The following ANKRD12 variants were observed in gnomAD, a reference collection of about 807,000 sequenced individuals.
The protein encoded by ANKRD12 is ankyrin repeat domain-containing protein 12.
A neutral mutation model predicts 183.4 loss-of-function variants in ANKRD12; 85 were observed. The observed-to-expected ratio is 0.46, with a 90% CI of 0.39 to 0.56. ANKRD12 has a LOEUF of 0.56. Among genes scored for constraint, ANKRD12 ranks in the 20% least tolerant of loss-of-function variants. The pLI, the probability that ANKRD12 is intolerant of heterozygous loss-of-function variation, is 0.00. For synonymous variants in ANKRD12, 914 were observed against 800.2 expected (o/e 1.14, Z -2.40); for missense variants, 2,405 against 2,357.1 (o/e 1.02, Z -0.42).
chr18:9,280,370 C>G (rs1269989975), intron 12 of ANKRD12, among the ~76,000 whole-genome samples: 2 of 152,190 alleles, frequency 1.3e-5, no homozygotes, highest in African/African-American at 4.8e-5. Context: ...TGGCCCAGTT[C>G]TGAACAGGCC....
At chr18:9,144,264 G>T (rs1484336391) in intron 1 of ANKRD12, among the ~76,000 whole-genome samples, 1 of 151,964 alleles carries the variant, frequency 6.6e-6, no homozygotes, top group Non-Finnish European at 1.5e-5. Context: ...TAATAAAAAG[G>T]TTATTAATTC....
intron 8 of ANKRD12, among the ~76,000 whole-genome samples, chr18:9,225,751 G>T (rs1259998281): frequency 1.3e-5 from 2 of 151,990 alleles, no homozygotes; most frequent in Non-Finnish European, 2.9e-5. Context: ...CTTACAATTT[G>T]TGCTTTTTAT....
chr18:9,226,979 A>G (rs960044944), intron 8 of ANKRD12, among the ~76,000 whole-genome samples: 14 of 152,262 alleles, frequency 9.2e-5, no homozygotes, highest in African/African-American at 3.1e-4. Context: ...ACTGGAGGGG[A>G]AAAATGATTA....
chr18:9,249,886 T>C (rs533761984), intron 8 of ANKRD12: 2 of 152,318 alleles, frequency 1.3e-5, no homozygotes, highest in Non-Finnish European at 2.9e-5. Flanking sequence ...AGTACTCCAC[T>C]ATTATGGCTA....
intron 8 of ANKRD12, among the ~76,000 whole-genome samples, chr18:9,247,521 T>C (rs1488159423): frequency 6.6e-6 from 1 of 152,198 alleles, no homozygotes; most frequent in African/African-American, 2.4e-5. Flanking sequence ...CTAATTGTGA[T>C]TAAGTGTACT....
At chr18:9,225,489 A>AG (rs5823045) in intron 8 of ANKRD12, among the ~76,000 whole-genome samples, 4 of 151,278 alleles carry the variant, frequency 2.6e-5, no homozygotes, top group Non-Finnish European at 5.9e-5. Flanking sequence ...AAAAAAAAAA[A>AG]GTATTCAAAT....
intron 1 of ANKRD12, among the ~76,000 whole-genome samples, chr18:9,169,793 G>A (rs146425844): frequency 0.011 from 1,638 of 152,312 alleles, 35 homozygotes; most frequent in African/African-American, 0.038. Flanking sequence ...AGTTGATGCA[G>A]TTTCTTCCTA....
intron 1 of ANKRD12, among the ~76,000 whole-genome samples, chr18:9,175,122 T>C (rs1047717096): frequency 5.9e-5 from 9 of 152,010 alleles, no homozygotes; most frequent in Non-Finnish European, 1.2e-4. Flanking sequence ...TCCTGCCTAA[T>C]TTTTTGTATG....
rs950829542 is a variant in ANKRD12 at position 9,199,243 on chromosome 18, T to C, written c.235+3545T>C. 3.3e-5 allele frequency among the ~76,000 whole-genome samples: 5 copies of C among 152,168 alleles called. No homozygotes were observed. The East Asian group carries it at 9.6e-4, about 29-fold the overall frequency. ...GGTAGGTCGAGGCTACAGTGAGCTG[T>C]GATCATGCCACTGTACTCCAGCTGT... is the stretch of plus-strand genomic sequence containing the variant. On this transcript the variant is annotated intron_variant, in intron 3 of 12. Transcript: ENST00000262126.
At position 9,255,799 on chromosome 18, in the gene ANKRD12, AAAG is replaced by A. The variant is rs770826504; in HGVS notation, c.2537_2539del (p.Lys846del). The A allele has an allele frequency of 3.0e-5, 48 of 1,575,358 alleles. No homozygotes were observed. Among genetic ancestry groups the A allele is most frequent in the Middle Eastern group, 3.4e-4 (2 of 5,860 alleles). ...TGGAAAGAAAAACCTTTGAAAAAGAAAAGAAGATAAAACATGAGCATAAGTCAG... is the reference window on the plus strand; with the variant it reads ...TGGAAAGAAAAACCTTTGAAAAAGAAAAGATAAAACATGAGCATAAGTCAG... On this transcript the variant is annotated inframe_deletion, in exon 9 of 13. Transcript: ENST00000262126.
chr18:9,213,835 A>G (rs1047768241), intron 6 of ANKRD12, among the ~76,000 whole-genome samples: 1 of 151,964 alleles, frequency 6.6e-6, no homozygotes, highest in African/African-American at 2.4e-5. Context: ...TATTGTATCA[A>G]CAGAATAAAG....
intron 8 of ANKRD12, among the ~76,000 whole-genome samples, chr18:9,230,947 C>G (rs545356058): frequency 6.6e-6 from 1 of 152,058 alleles, no homozygotes; most frequent in Non-Finnish European, 1.5e-5. Context: ...GGATTACAGG[C>G]GTAAGCCACC....
In ANKRD12 at chr18:9,255,392, C is replaced by T; in HGVS notation, c.2125C>T (p.Leu709Phe). 1.3e-6 allele frequency: 2 copies of T among 1,594,260 alleles called. No individual in the cohort carries two copies. Among genetic ancestry groups the T allele is most frequent in the Non-Finnish European group, 1.7e-6 (2 of 1,174,326 alleles). ...TTTTAAAAGTGATGAAACTGAAGATCTCTTTTTAAATATGGAACATGAATC... is the reference window on the plus strand; with the variant it reads ...TTTTAAAAGTGATGAAACTGAAGATTTCTTTTTAAATATGGAACATGAATC... ...NFFKSDETED[L>F]FLNMEHESLT... The change falls in exon 9 of 13, where the codon CTC becomes TTC. Residue 709 changes from leucine to phenylalanine, a missense_variant. Leu to Phe is a conservative substitution (Grantham distance 22). Around this residue, in one of 7 missense-constraint regions of ANKRD12, gnomAD observed 1,983 missense variants for 1,725.9 expected, o/e 1.15. Transcript: ENST00000262126.
chr18:9,271,894 A>G (rs2039620623), intron 10 of ANKRD12, among the ~76,000 whole-genome samples: 1 of 152,138 alleles, frequency 6.6e-6, no homozygotes, highest in African/African-American at 2.4e-5. Flanking sequence ...CCCCTATTCT[A>G]TCTTCAGGTT....
chr18:9,218,665 CTTTT>C (rs58382120), intron 7 of ANKRD12, among the ~76,000 whole-genome samples: 3 of 142,896 alleles, frequency 2.1e-5, no homozygotes, highest in Non-Finnish European at 4.6e-5. Context: ...CTTCTTTTTT[CTTTT>C]TTTTTTTTTC....
intron 1 of ANKRD12, among the ~76,000 whole-genome samples, chr18:9,147,701 C>G (rs982469086): frequency 6.6e-6 from 1 of 152,110 alleles, no homozygotes; most frequent in African/African-American, 2.4e-5. Flanking sequence ...ACCTAGAAAT[C>G]TAGTGAAAGC....
intron 1 of ANKRD12, among the ~76,000 whole-genome samples, chr18:9,154,713 G>T (rs1226729955): frequency 6.6e-6 from 1 of 152,172 alleles, no homozygotes. Context: ...TAGGATGGTA[G>T]CAAGTGAGAT....
chr18:9,266,857 G>C (rs1271725068), intron 10 of ANKRD12, among the ~76,000 whole-genome samples: 2 of 152,104 alleles, frequency 1.3e-5, no homozygotes, highest in Non-Finnish European at 2.9e-5. Flanking sequence ...TCAGTGTGCT[G>C]TATTCAGGAA....
intron 10 of ANKRD12, among the ~76,000 whole-genome samples, chr18:9,269,601 C>A (rs1227630078): frequency 1.3e-5 from 2 of 152,174 alleles, no homozygotes; most frequent in African/African-American, 2.4e-5. Flanking sequence ...CTTCCTTACA[C>A]CTTATACAAA....
Sources: allele counts gnomAD v4.1 joint callset (sites outside exome capture counted in the v4.1 genomes callset), GRCh38; gene constraint gnomAD v4.1.1; regional missense constraint gnomAD v4.1.1; transcripts MANE v1.5; gene names NCBI Gene and HGNC (gene_info 2026-07-23, HGNC 2026-07-21).